The following COL5A1 variants were observed in gnomAD, a reference collection of about 807,000 sequenced individuals.
COL5A1 encodes collagen type V alpha 1 chain, also known as collagen alpha-1(V) chain.
COL5A1 carries 16 observed loss-of-function variants against 263.7 expected under a neutral mutation model. The observed-to-expected ratio is 0.06, with a 90% CI of 0.04 to 0.09. The LOEUF is 0.09. Ranked by LOEUF, COL5A1 falls within the 10% of genes least tolerant of loss-of-function variation. The probability of loss-of-function intolerance (pLI) is 1.00; values close to 1 mark genes in which losing one functional copy is unlikely to be tolerated. For missense variants in COL5A1, 2,036 were observed against 2,540.5 expected (o/e 0.80, Z 4.27); for synonymous variants, 1,012 against 1,004.5 (o/e 1.01, Z -0.14).
intron 35 of COL5A1, 49 bp downstream of exon 35, chr9:134,796,467 C>A: frequency 1.9e-6 from 3 of 1,580,980 alleles, no homozygotes; most frequent in Non-Finnish European, 2.6e-6. Flanking sequence ...GAGCCTGCCT[C>A]GAATGCCCCC....
chr9:134,781,221 T>C (rs1387298980), intron 28 of COL5A1, among the ~76,000 whole-genome samples: 2 of 152,250 alleles, frequency 1.3e-5, no homozygotes, highest in Non-Finnish European at 2.9e-5. Context: ...TTGTTGAGCG[T>C]GCTGGTCCCT....
rs544469409 is a variant in COL5A1, at chr9:134,821,759, T to A, written c.4555-338T>A. ...AGAGGGGCCCAAGCCAGGGCCACAA[T>A]GTCAGGGCAGTGGTTTCTGTATTTC... On this transcript the variant is annotated intron_variant, in intron 58 of 65. Coordinates refer to ENST00000371817, the MANE Select transcript of COL5A1 (RefSeq NM_000093.5). The surrounding 1 kb of genome is among the most constrained non-coding windows in gnomAD (Gnocchi z 4.2). Among the ~76,000 whole-genome samples the A allele has an allele frequency of 6.6e-6, 1 of 152,196 alleles. No homozygotes were observed. Among genetic ancestry groups the A allele is most frequent in the Non-Finnish European group, 1.5e-5 (1 of 68,040 alleles).
At chr9:134,823,059 C>T in intron 60 of COL5A1, 26 bp downstream of exon 60, 3 of 1,613,930 alleles carry the variant, frequency 1.9e-6, no homozygotes, top group Non-Finnish European at 2.5e-6. Context: ...CCCAGCCAGG[C>T]CAATGCCTGG....
rs1044601585 is a variant in COL5A1 at position 134,769,868 on chromosome 9, C to T, written c.2286+1405C>T. Reference sequence around the variant, plus strand: ...CCTGGGTGTGAAGGGGGCTGCACCCCACCTTCCTGCCAAGATCATTCTCTC... The same window carrying T: ...CCTGGGTGTGAAGGGGGCTGCACCCTACCTTCCTGCCAAGATCATTCTCTC... On this transcript the variant is annotated intron_variant, in intron 25 of 65. Coordinates refer to ENST00000371817, the MANE Select transcript of COL5A1 (RefSeq NM_000093.5). Among the ~76,000 whole-genome samples, 3 of 152,196 alleles carry T rather than the reference C, an allele frequency of 2.0e-5. 1 individual carries two copies. The highest frequency in any genetic ancestry group is 2.9e-5 in the Non-Finnish European group (2 of 68,026).
chr9:134,822,283 G>T (rs934707523), intron 59 of COL5A1, 133 bp downstream of exon 59: 4 of 751,720 alleles, frequency 5.3e-6, no homozygotes, highest in Non-Finnish European at 8.9e-6. Flanking sequence ...CTCCAGGGTG[G>T]ATTTGCCCAT....
intron 4 of COL5A1, among the ~76,000 whole-genome samples, chr9:134,706,625 A>G (rs1385442524): frequency 6.6e-6 from 1 of 152,222 alleles, no homozygotes; most frequent in East Asian, 1.9e-4. Flanking sequence ...GCAACATGAC[A>G]GCAGATTGGG....
intron 16 of COL5A1, 87 bp from the exon 17 acceptor site, chr9:134,756,678 C>A: frequency 1.4e-6 from 2 of 1,438,616 alleles, no homozygotes; most frequent in Non-Finnish European, 2.0e-6. Flanking sequence ...GTGGAACGCT[C>A]AACTTGGTTT....
intron 63 of COL5A1, among the ~76,000 whole-genome samples, chr9:134,829,470 CCGAGGGCCCAGGCCGGGCTCCT>C (rs1432660146): frequency 3.4e-5 from 5 of 149,228 alleles, no homozygotes; most frequent in Non-Finnish European, 4.5e-5. Flanking sequence ...TCCGGTCTCC[CCGAGGGCCCAGGCCGGGCTCCT>C]CACGCAGCCT....
intron 18 of COL5A1, among the ~76,000 whole-genome samples, chr9:134,759,449 A>T (rs1395558638): frequency 9.5e-6 from 1 of 105,356 alleles, no homozygotes; most frequent in African/African-American, 5.3e-5. Flanking sequence ...ACCCACACCC[A>T]CACACTCATA....
intron 65 of COL5A1, among the ~76,000 whole-genome samples, chr9:134,836,236 C>T (rs1188167394): frequency 1.3e-5 from 2 of 152,176 alleles, no homozygotes. Context: ...AGTGATGGCC[C>T]CAGGCTGCTT....
At chr9:134,691,482 G>A (rs1164491523) in intron 2 of COL5A1, 1 of 252,012 alleles carries the variant, frequency 4.0e-6, no homozygotes, top group East Asian at 9.4e-5. Flanking sequence ...CTTAACCAGG[G>A]GCAGTGACAT....
rs1453105580 is a variant in COL5A1 at position 134,757,125 on chromosome 9, G to A, written c.1881+307G>A. Among the ~76,000 whole-genome samples, 2 of 152,156 alleles carry A rather than the reference G, an allele frequency of 1.3e-5. No homozygotes were observed. The highest frequency in any genetic ancestry group is 2.9e-5 in the Non-Finnish European group (2 of 68,026). ...GTGACGAGGCGCATGTAGGGCAGAG[G>A]CGGGGCATATGGCAAGTGCGGGGGC... On this transcript the variant is annotated intron_variant, in intron 17 of 65. Coordinates refer to ENST00000371817, the MANE Select transcript of COL5A1 (RefSeq NM_000093.5). This position sits in a 1 kb window ranked among gnomAD's most constrained non-coding sequence, Gnocchi z 6.2.
chr9:134,793,848 G>A lies in COL5A1; in HGVS notation c.2701-1234G>A, dbSNP rs567301995. ...CCATAGTAATTGAAGAACTGGAACCGGAGCGCATTGTTAAAAAGCTACATA... is the reference window on the plus strand; with the variant it reads ...CCATAGTAATTGAAGAACTGGAACCAGAGCGCATTGTTAAAAAGCTACATA... On this transcript the variant is annotated intron_variant, in intron 32 of 65. Transcript: ENST00000371817. Among the ~76,000 whole-genome samples, 13 of 152,176 alleles carry A rather than the reference G, an allele frequency of 8.5e-5. No homozygotes were observed. The East Asian group carries it at 1.3e-3, about 16-fold the overall frequency.
chr9:134,793,840 C>T (rs1837803711), intron 32 of COL5A1, among the ~76,000 whole-genome samples: 3 of 152,184 alleles, frequency 2.0e-5, no homozygotes, highest in South Asian at 2.1e-4. Flanking sequence ...AATTGAAGAA[C>T]TGGAACCGGA....
Position 134,699,973 on chromosome 9 carries a change from C to T in COL5A1, c.342C>T (p.Ala114=). 6.2e-7 allele frequency: 1 copy of T among 1,613,944 alleles called. No individual in the cohort carries two copies. The highest frequency in any genetic ancestry group is 8.5e-7 in the Non-Finnish European group (1 of 1,180,042). ...TTVKAKKGSQ[A]FLVSIYNEQG... ...TGAAAGCCAAGAAAGGCAGCCAGGC[C>T]TTCCTGGTCTCCATCTACAACGAGC... The change falls in exon 3 of 66, where the codon GCC becomes GCT. Residue 114 remains alanine, a synonymous_variant. Coordinates refer to ENST00000371817, the MANE Select transcript of COL5A1 (RefSeq NM_000093.5).
At chr9:134,669,407 C>T (rs958748652) in intron 1 of COL5A1, among the ~76,000 whole-genome samples, 1 of 151,466 alleles carries the variant, frequency 6.6e-6, no homozygotes, top group East Asian at 1.9e-4. Context: ...CTTATCCACC[C>T]ATCCATTCAT....
At chr9:134,750,397 C>T (rs1255056169) in intron 11 of COL5A1, 145 bp from the exon 12 acceptor site, 1 of 754,958 alleles carries the variant, frequency 1.3e-6, no homozygotes, top group African/African-American at 1.7e-5. Context: ...GTTTCTGAAA[C>T]ATTCCTGCCA....
At chr9:134,692,584 G>A (rs760808860) in intron 2 of COL5A1, among the ~76,000 whole-genome samples, 2 of 152,180 alleles carry the variant, frequency 1.3e-5, no homozygotes, top group African/African-American at 2.4e-5. Context: ...TGTGTGACAC[G>A]CTGAGGGGCA....
At chr9:134,675,264 C>G (rs1038569065) in intron 1 of COL5A1, among the ~76,000 whole-genome samples, 1 of 152,146 alleles carries the variant, frequency 6.6e-6, no homozygotes, top group Non-Finnish European at 1.5e-5. Flanking sequence ...ACTTTCAGTA[C>G]TAAGTGTCAA....
Sources: allele counts gnomAD v4.1 joint callset (sites outside exome capture counted in the v4.1 genomes callset), GRCh38; gene constraint gnomAD v4.1.1; non-coding constraint Gnocchi (gnomAD v3.1); transcripts MANE v1.5; gene names NCBI Gene and HGNC (gene_info 2026-07-23, HGNC 2026-07-21).